Variants in MGST1 observed in about 807,000 individuals in gnomAD.
MGST1 encodes microsomal glutathione S-transferase 1, also known as glutathione S-transferase 12.
MGST1 carries 5 observed loss-of-function variants against 8.9 expected under a neutral mutation model. The ratio of observed to expected loss-of-function variants is 0.56; its 90% CI spans 0.29 to 1.19. The LOEUF (loss-of-function observed/expected upper bound fraction) is 1.19. Ranked by LOEUF, MGST1 falls within the 50% of genes most tolerant of loss-of-function variation. The pLI is 0.08. For missense variants in MGST1, 182 were observed against 187.4 expected, an observed-to-expected ratio of 0.97 and a Z score of 0.17; for synonymous variants, 54 against 67.8, an observed-to-expected ratio of 0.80 and a Z score of 1.00.
At chr12:16,424,620 A>G (rs533841320) in intron 1 of MGST1, among the ~76,000 whole-genome samples, 18 of 152,238 alleles carry the variant, frequency 1.2e-4, no homozygotes, top group South Asian at 4.2e-4. Flanking sequence ...ATGGCTTCCA[A>G]ATTTTTATTC....
chr12:16,456,979 C>A (rs1941178656), intron 4 of MGST1, among the ~76,000 whole-genome samples: 1 of 151,948 alleles, frequency 6.6e-6, no homozygotes. Flanking sequence ...TCCTTCCAGT[C>A]CATCCTAAAT....
At position 16,518,025 on chromosome 12, in the gene MGST1, A is replaced by G. The variant is rs542457769; in HGVS notation, n.483-71503A>G. 1.3e-4 allele frequency among the ~76,000 whole-genome samples: 20 copies of G among 152,326 alleles called. No homozygotes were observed. The East Asian group carries it at 3.5e-3, about 26-fold the overall frequency. ...GTCACACTGAGGTCTTCAACATGGAAGAATGTCAGTAAATACAGACAGTCT... is the reference window on the plus strand; with the variant it reads ...GTCACACTGAGGTCTTCAACATGGAGGAATGTCAGTAAATACAGACAGTCT... On this transcript the variant is annotated intron_variant and non_coding_transcript_variant, in intron 4 of 4. Coordinates refer to the MGST1 transcript ENST00000538857.
intron 4 of MGST1, among the ~76,000 whole-genome samples, chr12:16,535,191 G>C (rs1447588858): frequency 6.6e-6 from 1 of 152,094 alleles, no homozygotes; most frequent in African/African-American, 2.4e-5. Context: ...CTAGCCACTA[G>C]CCCACTCTTC....
intron 1 of MGST1, chr12:16,400,268 G>T: frequency 1.2e-6 from 1 of 818,056 alleles, no homozygotes; most frequent in Non-Finnish European, 2.2e-6. Context: ...AGGTGAAAAT[G>T]CAAGACAATA....
intron 4 of MGST1, among the ~76,000 whole-genome samples, chr12:16,454,573 A>G (rs1472386444): frequency 4.6e-5 from 7 of 151,938 alleles, no homozygotes; most frequent in African/African-American, 1.7e-4. Context: ...AATAAGTTAC[A>G]TAGCTAGGAT....
chr12:16,480,850 C>T (rs1339612167), intron 4 of MGST1, among the ~76,000 whole-genome samples: 1 of 152,086 alleles, frequency 6.6e-6, no homozygotes, highest in African/African-American at 2.4e-5. Flanking sequence ...GCAGGAGGAC[C>T]ATTTGAGGCC....
chr12:16,453,800 C>A (rs565950910), intron 4 of MGST1, among the ~76,000 whole-genome samples: 1 of 151,464 alleles, frequency 6.6e-6, no homozygotes, highest in Non-Finnish European at 1.5e-5. Context: ...TCCCCATGTG[C>A]GTGTCTATCT....
At chr12:16,526,550 A>G (rs2137195747) in intron 4 of MGST1, among the ~76,000 whole-genome samples, 1 of 152,108 alleles carries the variant, frequency 6.6e-6, no homozygotes, top group East Asian at 1.9e-4. Flanking sequence ...AAATTCCTAT[A>G]AACGTGTTAA....
rs1216457858 is a variant in MGST1, at chr12:16,537,793, C to T, written n.483-51735C>T. Among the ~76,000 whole-genome samples the T allele has an allele frequency of 6.6e-6, 1 of 152,212 alleles. No homozygotes were observed. The highest frequency in any genetic ancestry group is 1.9e-4 in the East Asian group (1 of 5,182). ...GGGCACCAAGTCCCTAGGCTGCACA[C>T]AGCATGGGGATCCTGGGCCCAGCCC... On this transcript the variant is annotated intron_variant and non_coding_transcript_variant, in intron 4 of 4. Coordinates refer to the MGST1 transcript ENST00000538857. The surrounding 1 kb of genome is among the most constrained non-coding windows in gnomAD (Gnocchi z 4.6).
chr12:16,520,176 C>T (rs761570740), intron 4 of MGST1, among the ~76,000 whole-genome samples: 3 of 152,062 alleles, frequency 2.0e-5, no homozygotes, highest in Non-Finnish European at 4.4e-5. Context: ...TAGTATAACC[C>T]TTTCACTTTA....
chr12:16,375,236 G>A (rs1292523716), intron 3 of MGST1, among the ~76,000 whole-genome samples: 2 of 152,068 alleles, frequency 1.3e-5, no homozygotes, highest in African/African-American at 4.8e-5. Context: ...GGAAAAAATA[G>A]TTAACTATAG....
At chr12:16,520,605 G>C (rs1941642262) in intron 4 of MGST1, among the ~76,000 whole-genome samples, 1 of 152,032 alleles carries the variant, frequency 6.6e-6, no homozygotes, top group African/African-American at 2.4e-5. Flanking sequence ...TAGGGAGGTT[G>C]GGCCATAGGT....
intron 2 of MGST1, 90 bp from the exon 3 acceptor site, chr12:16,357,515 C>A: frequency 1.1e-6 from 1 of 947,756 alleles, no homozygotes; most frequent in Non-Finnish European, 1.6e-6. Context: ...GCAATCCTGC[C>A]TCAGCCTCAC....
At chr12:16,456,918 T>C (rs926024532) in intron 4 of MGST1, among the ~76,000 whole-genome samples, 33 of 151,932 alleles carry the variant, frequency 2.2e-4, no homozygotes, top group African/African-American at 7.5e-4. Flanking sequence ...CCCTCTAACC[T>C]GGACTAATGC....
intron 2 of MGST1, among the ~76,000 whole-genome samples, chr12:16,354,913 A>G (rs534381099): frequency 6.6e-6 from 1 of 152,116 alleles, no homozygotes; most frequent in Non-Finnish European, 1.5e-5. Flanking sequence ...ATTTCTACCC[A>G]GCATTATAAG....
In MGST1 at chr12:16,587,330, G is replaced by T. The variant is rs1308626127; in HGVS notation, n.483-2198G>T. ...CTGCAGTGTTACAGCTTTCTAAATG[G>T]TAAGTAACTGTTTAAAAATTCCAAA... On this transcript the variant is annotated intron_variant and non_coding_transcript_variant, in intron 4 of 4. Transcript: ENST00000538857. The surrounding 1 kb of genome is among the most constrained non-coding windows in gnomAD (Gnocchi z 4.3). 6.6e-6 allele frequency among the ~76,000 whole-genome samples: 1 copy of T among 152,080 alleles called. No individual in the cohort carries two copies. Among genetic ancestry groups the T allele is most frequent in the Non-Finnish European group, 1.5e-5 (1 of 67,998 alleles).
intron 4 of MGST1, among the ~76,000 whole-genome samples, chr12:16,509,190 T>G (rs1219277896): frequency 1.3e-5 from 2 of 152,212 alleles, no homozygotes. Flanking sequence ...GCCAGTTTTT[T>G]TAATGCCTTA....
At chr12:16,436,432 T>G (rs1940987789) in intron 1 of MGST1, among the ~76,000 whole-genome samples, 1 of 151,916 alleles carries the variant, frequency 6.6e-6, no homozygotes, top group South Asian at 2.1e-4. Flanking sequence ...TTCATACTCT[T>G]AAGTTCATTG....
In MGST1 at chr12:16,548,542, C is replaced by G. The variant is rs774639219; in HGVS notation, n.483-40986C>G. On this transcript the variant is annotated intron_variant and non_coding_transcript_variant, in intron 4 of 4. Transcript: ENST00000538857. This position sits in a 1 kb window ranked among gnomAD's most constrained non-coding sequence, Gnocchi z 4.2. ...TGCACGGTCCTTCATCATAGGCAGCCTATGCGAGATGCATCTTAGGAAGGG... is the reference window on the plus strand; with the variant it reads ...TGCACGGTCCTTCATCATAGGCAGCGTATGCGAGATGCATCTTAGGAAGGG... The G allele has an allele frequency of 1.3e-5, 2 of 152,120 alleles. No homozygotes were observed. Among genetic ancestry groups the G allele is most frequent in the Non-Finnish European group, 2.9e-5 (2 of 68,006 alleles). 9.4% of individuals were successfully genotyped at this position (152,120 alleles called of 1,614,324 possible).
Sources: allele counts gnomAD v4.1 joint callset (sites outside exome capture counted in the v4.1 genomes callset), GRCh38; gene constraint gnomAD v4.1.1; non-coding constraint Gnocchi (gnomAD v3.1); transcripts MANE v1.5; gene names NCBI Gene and HGNC (gene_info 2026-07-23, HGNC 2026-07-21).